Variants in ATF7IP observed in about 807,000 individuals in gnomAD.
ATF7IP encodes the protein activating transcription factor 7-interacting protein 1.
In ATF7IP, 23 loss-of-function variants were observed where a neutral mutation model predicts 106.4. The ratio of observed to expected loss-of-function variants is 0.22; its 90% CI spans 0.16 to 0.31. The LOEUF (loss-of-function observed/expected upper bound fraction) is 0.31. ATF7IP is among the 10% of genes least tolerant of loss of function. The pLI is 1.00. For missense variants in ATF7IP, 1,334 were observed against 1,524.3 expected (o/e 0.88, Z 2.08); for synonymous variants, 542 against 539.0 (o/e 1.01, Z -0.08).
chr12:14,432,748 CTT>C (rs1180876804), intron 2 of ATF7IP, among the ~76,000 whole-genome samples: 1 of 152,094 alleles, frequency 6.6e-6, no homozygotes, highest in Non-Finnish European at 1.5e-5. Context: ...TTATCAGAAT[CTT>C]TATATAGCAT....
rs767448478 is a variant in ATF7IP, at chr12:14,438,102, C to A, written c.1792-28C>A. The A allele has an allele frequency of 2.5e-6, 4 of 1,599,410 alleles. No homozygotes were observed. The South Asian group carries it at 4.4e-5, about 18-fold the overall frequency. The stretch of plus-strand genomic sequence containing the variant: ...ATTGCTTGCTGGAATGCCTTCTTGG[C>A]ATAATGAAGGAATATTTGTTTCTTT... On this transcript the variant is annotated intron_variant, in intron 4 of 14. Transcript: ENST00000261168.
chr12:14,466,445 T>G, intron 9 of ATF7IP, 81 bp from the exon 10 acceptor site: 1 of 1,142,736 alleles, frequency 8.8e-7, no homozygotes, highest in South Asian at 1.3e-5. Flanking sequence ...TGGAGAAAAC[T>G]ACATGAATTG....
At chr12:14,383,710 A>AC (rs935569012) in intron 1 of ATF7IP, among the ~76,000 whole-genome samples, 23 of 152,166 alleles carry the variant, frequency 1.5e-4, no homozygotes, top group African/African-American at 5.5e-4. Context: ...ATATTACCAC[A>AC]CCTGCTAATG....
At chr12:14,454,218 C>T (rs1943331119) in intron 6 of ATF7IP, among the ~76,000 whole-genome samples, 1 of 152,190 alleles carries the variant, frequency 6.6e-6, no homozygotes, top group South Asian at 2.1e-4. Flanking sequence ...TGTACTCTTC[C>T]ATCTGAAGAG....
At chr12:14,396,699 TA>T (rs1939863564) in intron 1 of ATF7IP, among the ~76,000 whole-genome samples, 1 of 152,100 alleles carries the variant, frequency 6.6e-6, no homozygotes, top group Admixed American at 6.5e-5. Context: ...GCTGGGAAGA[TA>T]GTTGAGATGG....
rs192705410 is a variant in ATF7IP, at chr12:14,371,613, A to G, written c.-8+5786A>G. ...GATAGTAAAGGAGGGTTATATTTCT[A>G]CTGTTAGAAGCAATAATTTATAAAC... is the stretch of plus-strand genomic sequence containing the variant. On this transcript the variant is annotated intron_variant, in intron 1 of 14. Transcript: ENST00000261168. Among the ~76,000 whole-genome samples the G allele has an allele frequency of 4.3e-3, 662 of 152,210 alleles. 4 individuals are homozygous for G. Among genetic ancestry groups the G allele is most frequent in the African/African-American group, 0.015 (636 of 41,548 alleles).
rs17342674 is a variant in ATF7IP at position 14,389,382 on chromosome 12, G to A, written c.-8+23555G>A. 7.7e-3 allele frequency among the ~76,000 whole-genome samples: 1,175 copies of A among 152,298 alleles called. 10 individuals carry two copies. The highest frequency in any genetic ancestry group is 0.012 in the Non-Finnish European group (783 of 68,016). On this transcript the variant is annotated intron_variant, in intron 1 of 14. Coordinates refer to ENST00000261168, the MANE Select transcript of ATF7IP (RefSeq NM_018179.5). ...TAGAATGTTGACATTACAGAATTTA[G>A]AGGAGTAGGAGAAGTGTTTTGGGTA...
chr12:14,473,818 T>C (rs985978938), intron 10 of ATF7IP, among the ~76,000 whole-genome samples: 6 of 151,988 alleles, frequency 3.9e-5, no homozygotes, highest in African/African-American at 1.4e-4. Flanking sequence ...TTTTTTTTTT[T>C]TAAATTATCG....
At chr12:14,439,028 A>G (rs776356732) in intron 5 of ATF7IP, among the ~76,000 whole-genome samples, 1 of 152,228 alleles carries the variant, frequency 6.6e-6, no homozygotes, top group Non-Finnish European at 1.5e-5. Flanking sequence ...TAGTTTAATA[A>G]CACGTATTTA....
At chr12:14,384,036 TA>T (rs1453150750) in intron 1 of ATF7IP, among the ~76,000 whole-genome samples, 2 of 152,192 alleles carry the variant, frequency 1.3e-5, no homozygotes, top group Non-Finnish European at 2.9e-5. Context: ...ATAAGTAATT[TA>T]AAAAACTTTT....
intron 3 of ATF7IP, among the ~76,000 whole-genome samples, chr12:14,435,695 ATAAT>A (rs1391140520): frequency 1.3e-5 from 2 of 152,234 alleles, no homozygotes; most frequent in Non-Finnish European, 2.9e-5. Flanking sequence ...AAAAGAATAA[ATAAT>A]TAAAGCTGTG....
chr12:14,377,878 T>G (rs1024206880), intron 1 of ATF7IP, among the ~76,000 whole-genome samples: 4 of 152,048 alleles, frequency 2.6e-5, no homozygotes, highest in Non-Finnish European at 5.9e-5. Context: ...TCCACCTGCC[T>G]CAGCCTCCCA....
rs34509750 is a variant in ATF7IP at position 14,439,840 on chromosome 12, AATCCATCCATCCATCC to A, written c.1929+1606_1929+1621del. On this transcript the variant is annotated intron_variant, in intron 5 of 14. Transcript: ENST00000261168. ...AGAGTGAGACTCTGTCTCCAAAATAAATCCATCCATCCATCCATCCATCCATCCATCCATCCATCCA... is the reference window on the plus strand; with the variant it reads ...AGAGTGAGACTCTGTCTCCAAAATAAATCCATCCATCCATCCATCCATCCA... Among the ~76,000 whole-genome samples the A allele has an allele frequency of 1.8e-4, 27 of 148,606 alleles. No homozygotes were observed. The South Asian group carries it at 2.4e-3, about 13-fold the overall frequency.
chr12:14,462,535 C>T (rs1342285276), intron 9 of ATF7IP, among the ~76,000 whole-genome samples: 2 of 151,902 alleles, frequency 1.3e-5, no homozygotes, highest in African/African-American at 4.8e-5. Flanking sequence ...GAGAACTTTT[C>T]CTGAAAAACC....
chr12:14,449,369 T>C (rs1445076525), intron 6 of ATF7IP, among the ~76,000 whole-genome samples: 1 of 152,126 alleles, frequency 6.6e-6, no homozygotes, highest in African/African-American at 2.4e-5. Flanking sequence ...ATATCCAGTT[T>C]TCCCAGCACC....
intron 2 of ATF7IP, among the ~76,000 whole-genome samples, chr12:14,431,267 T>G (rs191139310): frequency 8.6e-4 from 131 of 152,112 alleles, no homozygotes; most frequent in African/African-American, 3.0e-3. Context: ...CTAGTCTGCT[T>G]GAAAGGAAAG....
At chr12:14,464,867 T>C (rs1480069947) in intron 9 of ATF7IP, among the ~76,000 whole-genome samples, 1 of 152,214 alleles carries the variant, frequency 6.6e-6, no homozygotes, top group South Asian at 2.1e-4. Flanking sequence ...TATTAAGCAG[T>C]CTAAATCTTT....
At chr12:14,452,653 A>G (rs1181954268) in intron 6 of ATF7IP, among the ~76,000 whole-genome samples, 1 of 152,170 alleles carries the variant, frequency 6.6e-6, no homozygotes, top group Non-Finnish European at 1.5e-5. Context: ...CTGTTGTCGT[A>G]TATCACATCT....
chr12:14,490,880 G>A (rs1014211562), intron 13 of ATF7IP, among the ~76,000 whole-genome samples: 4 of 152,140 alleles, frequency 2.6e-5, no homozygotes, highest in Admixed American at 2.6e-4. Flanking sequence ...GGGTCAGAAA[G>A]CACCCAGTTC....
Sources: gnomAD v4.1 joint callset for allele counts (sites outside exome capture counted in the v4.1 genomes callset) on GRCh38, gnomAD v4.1.1 for gene constraint, MANE v1.5 for transcripts, NCBI Gene and HGNC (gene_info 2026-07-23, HGNC 2026-07-21) for gene names.